Variants in NAV2 observed in about 807,000 individuals in gnomAD.
NAV2 encodes neuron navigator 2.
A neutral mutation model predicts 223.2 loss-of-function variants in NAV2; 54 were observed. The ratio of observed to expected loss-of-function variants is 0.24; its 90% confidence interval spans 0.19 to 0.30. The LOEUF (loss-of-function observed/expected upper bound fraction) is 0.30. NAV2 is among the 10% of genes least tolerant of loss of function. NAV2 has a pLI of 1.00. For synonymous variants in NAV2, 1,279 were observed against 1,239.3 expected (o/e 1.03, Z -0.67); for missense variants, 2,806 against 3,147.5 (o/e 0.89, Z 2.60).
chr11:19,714,706 G>A (rs1271789837), intron 1 of NAV2, among the ~76,000 whole-genome samples: 2 of 152,160 alleles, frequency 1.3e-5, no homozygotes, highest in African/African-American at 2.4e-5. Flanking sequence ...GAGTGACGGG[G>A]CGTGGGGATG....
At chr11:19,909,363 A>G (rs2043128334) in intron 6 of NAV2, among the ~76,000 whole-genome samples, 1 of 152,120 alleles carries the variant, frequency 6.6e-6, no homozygotes, top group South Asian at 2.1e-4. Flanking sequence ...GTAACTGGCC[A>G]CCCCACTCTG....
intron 1 of NAV2, among the ~76,000 whole-genome samples, chr11:19,763,608 G>A (rs763917606): frequency 1.6e-4 from 25 of 152,156 alleles, no homozygotes; most frequent in Non-Finnish European, 2.2e-4. Context: ...ATTAGGCTCC[G>A]TTTTATGCTG....
At chr11:20,092,156 GT>G in intron 27 of NAV2, 49 bp from the exon 28 acceptor site, 1 of 1,572,802 alleles carries the variant, frequency 6.4e-7, no homozygotes, top group Non-Finnish European at 8.7e-7. Flanking sequence ...GAAAAATCTT[GT>G]TCACATTACT....
chr11:19,366,957 A>G (rs573052599), intron 1 of NAV2, among the ~76,000 whole-genome samples: 1 of 152,174 alleles, frequency 6.6e-6, no homozygotes, highest in Non-Finnish European at 1.5e-5. Flanking sequence ...TTGTTTAGTG[A>G]CTGTTGAGAG....
intron 35 of NAV2, among the ~76,000 whole-genome samples, chr11:20,106,755 G>A (rs12280194): frequency 0.68 from 102,906 of 150,462 alleles, 39,731 homozygotes; most frequent in Non-Finnish European, 0.87. Flanking sequence ...TGATTCTCCT[G>A]CCTTGGCCTC....
chr11:19,659,606 C>G (rs2048220931), intron 1 of NAV2, among the ~76,000 whole-genome samples: 1 of 152,024 alleles, frequency 6.6e-6, no homozygotes, highest in South Asian at 2.1e-4. Context: ...ATTGGAGATA[C>G]AAGTAGGAAG....
At chr11:19,512,043 C>T (rs1280778610) in intron 1 of NAV2, among the ~76,000 whole-genome samples, 2 of 152,094 alleles carry the variant, frequency 1.3e-5, no homozygotes, top group African/African-American at 4.8e-5. Context: ...GCCTTTTGTA[C>T]CCCAGCCCAG....
At chr11:19,422,789 A>G (rs1350534125) in intron 1 of NAV2, among the ~76,000 whole-genome samples, 1 of 152,104 alleles carries the variant, frequency 6.6e-6, no homozygotes, top group Non-Finnish European at 1.5e-5. Flanking sequence ...CTTTCTTCCT[A>G]TGCCTGCTCT....
rs10524489 is a variant in NAV2, at chr11:19,897,886, T to TTATATATATATATATATATA, written c.931+5311_931+5312insATATATATATATATATATAT. On this transcript the variant is annotated intron_variant, in intron 6 of 37. Coordinates refer to ENST00000349880, the MANE Select transcript of NAV2 (RefSeq NM_145117.5). ...GCCACAGCTGTGCCTGACCTGTGAT[T>TTATATATATATATATATATA]TATATATATATATATATATGTGAGC... is the stretch of plus-strand genomic sequence containing the variant. 9.0e-4 allele frequency among the ~76,000 whole-genome samples: 108 copies of TTATATATATATATATATATA among 120,662 alleles called. 9 individuals are homozygous for TTATATATATATATATATATA. The Middle Eastern group carries it at 0.012, about 14-fold the overall frequency. The allele number at this position is 120,662 out of a possible 152,430, so 79.2% of individuals were successfully genotyped here.
At chr11:19,361,548 C>G (rs1353134393) in intron 1 of NAV2, among the ~76,000 whole-genome samples, 1 of 152,056 alleles carries the variant, frequency 6.6e-6, no homozygotes, top group Non-Finnish European at 1.5e-5. Flanking sequence ...GTTCCGGGCT[C>G]TAAAGTGTCT....
chr11:20,057,791 T>G (rs747735006), intron 19 of NAV2, among the ~76,000 whole-genome samples: 1 of 152,216 alleles, frequency 6.6e-6, no homozygotes, highest in Non-Finnish European at 1.5e-5. Flanking sequence ...AGTATCGTCA[T>G]CAGATAGCTT....
intron 1 of NAV2, among the ~76,000 whole-genome samples, chr11:19,509,587 T>C (rs1391926571): frequency 1.3e-5 from 2 of 152,218 alleles, no homozygotes; most frequent in African/African-American, 2.4e-5. Flanking sequence ...AACCCGATAT[T>C]GCAAGATGCT....
chr11:19,935,864 T>TTTTTTTTTTTTGTTTTTTTTTTTTTTTG (rs2045839298), intron 7 of NAV2, among the ~76,000 whole-genome samples: 1 of 101,154 alleles, frequency 9.9e-6, no homozygotes, highest in Non-Finnish European at 2.0e-5. Flanking sequence ...TTTTTTTTTT[T>TTTTTTTTTTTTGTTTTTTTTTTTTTTTG]TTTTTTTTTT....
chr11:19,421,764 C>T (rs76167201), intron 1 of NAV2, among the ~76,000 whole-genome samples: 393 of 84,476 alleles, frequency 4.7e-3, no homozygotes, highest in Middle Eastern at 0.014. Context: ...AAGAGAGAGG[C>T]TTTTTTTTTT....
intron 1 of NAV2, among the ~76,000 whole-genome samples, chr11:19,549,080 C>T (rs2044605442): frequency 6.6e-6 from 1 of 152,126 alleles, no homozygotes; most frequent in East Asian, 1.9e-4. Context: ...AGACCCTAAA[C>T]AGGTGAATGT....
upstream of NAV2, among the ~76,000 whole-genome samples, chr11:19,346,957 C>G (rs543103907): frequency 3.3e-5 from 5 of 152,220 alleles, no homozygotes; most frequent in South Asian, 4.1e-4. Context: ...TTGGAAAGAC[C>G]CTTCTTTTAG....
At chr11:19,347,057 A>G (rs1358955842), upstream of NAV2, among the ~76,000 whole-genome samples, 1 of 152,154 alleles carries the variant, frequency 6.6e-6, no homozygotes, top group Non-Finnish European at 1.5e-5. Flanking sequence ...GATTTAAAAA[A>G]CAGTTTCCCC....
At chr11:19,824,154 A>G (rs1021546595) in intron 1 of NAV2, among the ~76,000 whole-genome samples, 14 of 152,182 alleles carry the variant, frequency 9.2e-5, no homozygotes, top group African/African-American at 3.1e-4. Flanking sequence ...TTAACCACTT[A>G]TATGATCTCA....
chr11:19,593,952 G>C (rs1247961373), intron 1 of NAV2, among the ~76,000 whole-genome samples: 10 of 152,072 alleles, frequency 6.6e-5, no homozygotes, highest in African/African-American at 2.4e-4. Context: ...TCCTTTGCCA[G>C]CTATGGGATT....
Sources: gnomAD v4.1 joint callset for allele counts (sites outside exome capture counted in the v4.1 genomes callset) on GRCh38, gnomAD v4.1.1 for gene constraint, MANE v1.5 for transcripts, NCBI Gene and HGNC (gene_info 2026-07-23, HGNC 2026-07-21) for gene names.